Variants in USP24 observed in about 807,000 individuals in gnomAD.
The protein encoded by USP24 is ubiquitin specific peptidase 24, also known as ubiquitin carboxyl-terminal hydrolase 24.
Under a neutral mutation model 361.6 loss-of-function variants are expected in USP24, and 97 were observed. That is an observed-to-expected ratio of 0.27 (90% CI 0.23 to 0.32). The LOEUF (loss-of-function observed/expected upper bound fraction) is 0.32. USP24 is among the 10% of genes least tolerant of loss of function. USP24 has a pLI of 1.00. For synonymous variants in USP24, 1,098 were observed against 1,124.6 expected (o/e 0.98, Z 0.47); for missense variants, 2,353 against 3,165.6 (o/e 0.74, Z 6.16).
chr1:55,151,254 GT>G lies in USP24; in HGVS notation c.1860+2615del, dbSNP rs556960542. ...ACATCCCCACTTCCTCATCTGTCTT[GT>G]TTTTCCAGACCTATCCTTCTATCTA... On this transcript the variant is annotated intron_variant, in intron 16 of 67. Coordinates refer to ENST00000294383, the MANE Select transcript of USP24 (RefSeq NM_015306.3). Among the ~76,000 whole-genome samples, 156 of 152,280 alleles carry G rather than the reference GT, an allele frequency of 1.0e-3. 1 individual carries two copies. Among genetic ancestry groups the G allele is most frequent in the Non-Finnish European group, 1.7e-3 (114 of 68,018 alleles).
chr1:55,100,148 G>A (rs909404037), intron 44 of USP24, among the ~76,000 whole-genome samples: 2 of 152,240 alleles, frequency 1.3e-5, no homozygotes, highest in South Asian at 4.1e-4. Context: ...CAACCTATGG[G>A]GAAAAACACA....
intron 28 of USP24, among the ~76,000 whole-genome samples, chr1:55,137,128 C>A (rs1646758575): frequency 6.6e-6 from 1 of 152,092 alleles, no homozygotes; most frequent in African/African-American, 2.4e-5. Context: ...TCCCGAAAGC[C>A]AAGTGAAGAG....
intron 48 of USP24, 89 bp downstream of exon 48, chr1:55,097,509 G>A (rs976133466): frequency 6.8e-7 from 1 of 1,481,114 alleles, no homozygotes; most frequent in African/African-American, 1.4e-5. Flanking sequence ...TAACATGGTA[G>A]ACAGAATATG....
intron 28 of USP24, among the ~76,000 whole-genome samples, chr1:55,136,309 G>T (rs993144990): frequency 1.7e-4 from 26 of 152,114 alleles, no homozygotes; most frequent in African/African-American, 6.3e-4. Context: ...TGAGGCTGGA[G>T]TGGTGAGAGA....
rs1644857091 is a variant in USP24 at position 55,068,402 on chromosome 1, A to C, written c.*643T>G. ...TATCTTCAAGAGCTTAGTATTTCCC[A>C]ATTTTTGATCCTGATCCTGGTAACC... On this transcript the variant is annotated 3_prime_UTR_variant, in exon 68 of 68. Transcript: ENST00000294383. The C allele has an allele frequency of 6.6e-6, 1 of 152,312 alleles. No homozygotes were observed. Among genetic ancestry groups the C allele is most frequent in the South Asian group, 2.1e-4 (1 of 4,828 alleles). The allele number at this position is 152,312 out of a possible 1,614,324, so 9.4% of individuals were successfully genotyped here.
chr1:55,184,676 T>A (rs1172481838), intron 1 of USP24, among the ~76,000 whole-genome samples: 2 of 152,232 alleles, frequency 1.3e-5, no homozygotes, highest in South Asian at 2.1e-4. Context: ...ATAGAGCATA[T>A]GTTAGGTTGT....
intron 8 of USP24, among the ~76,000 whole-genome samples, chr1:55,161,465 C>A (rs962603376): frequency 4.6e-5 from 7 of 151,738 alleles, no homozygotes. Flanking sequence ...TAAAATGGCC[C>A]TAAGTAAATG....
chr1:55,119,993 T>C lies in USP24; in HGVS notation c.4508+603A>G, dbSNP rs554087166. 5.9e-5 allele frequency among the ~76,000 whole-genome samples: 9 copies of C among 152,232 alleles called. No homozygotes were observed. The South Asian group carries it at 1.0e-3, about 18-fold the overall frequency. ...CCATGACACTTTATAAGCCCCACAGTAGGGGCTGTGTGGTGAAGGTGAGTT... is the reference window on the plus strand; with the variant it reads ...CCATGACACTTTATAAGCCCCACAGCAGGGGCTGTGTGGTGAAGGTGAGTT... On this transcript the variant is annotated intron_variant, in intron 38 of 67. Coordinates refer to ENST00000294383, the MANE Select transcript of USP24 (RefSeq NM_015306.3).
At chr1:55,161,264 C>T (rs1457972789) in intron 8 of USP24, among the ~76,000 whole-genome samples, 1 of 151,006 alleles carries the variant, frequency 6.6e-6, no homozygotes, top group Non-Finnish European at 1.5e-5. Context: ...CCCAGCTACT[C>T]AAGAGGTTGA....
chr1:55,206,041 A>G (rs1326659928), intron 1 of USP24, among the ~76,000 whole-genome samples: 1 of 152,206 alleles, frequency 6.6e-6, no homozygotes. Flanking sequence ...AACAGCAAGA[A>G]ACAGAACCCT....
At chr1:55,153,740 A>T in intron 16 of USP24, 130 bp downstream of exon 16, 3 of 1,037,820 alleles carry the variant, frequency 2.9e-6, no homozygotes, top group Non-Finnish European at 4.1e-6. Flanking sequence ...ACAAATTTTT[A>T]GACATCAAGT....
At chr1:55,207,433 A>T (rs534175227) in intron 1 of USP24, among the ~76,000 whole-genome samples, 1 of 152,364 alleles carries the variant, frequency 6.6e-6, no homozygotes, top group East Asian at 1.9e-4. Flanking sequence ...TTGGAAACCT[A>T]CTGATACAGG....
intron 16 of USP24, 31 bp downstream of exon 16, chr1:55,153,839 C>A (rs1359120783): frequency 1.3e-6 from 2 of 1,540,680 alleles, no homozygotes; most frequent in Non-Finnish European, 1.8e-6. Context: ...ACTAGTATAC[C>A]TTTTAGTTGG....
chr1:55,132,488 A>G, intron 31 of USP24, 57 bp downstream of exon 31: 1 of 1,521,202 alleles, frequency 6.6e-7, no homozygotes, highest in South Asian at 1.3e-5. Context: ...GAAAGCATGA[A>G]TCGATAAATC....
chr1:55,171,947 A>G (rs1165221), intron 4 of USP24, among the ~76,000 whole-genome samples: 114,632 of 152,006 alleles, frequency 0.75, 44,200 homozygotes, highest in East Asian at 0.96. Context: ...CAATGCCCCA[A>G]GTGTGCTAGG....
At chr1:55,170,966 A>G (rs1289016301) in intron 5 of USP24, among the ~76,000 whole-genome samples, 1 of 152,180 alleles carries the variant, frequency 6.6e-6, no homozygotes, top group Admixed American at 6.5e-5. Context: ...CTCTGCTTCC[A>G]CTAAAGCAAT....
At position 55,139,053 on chromosome 1, in the gene USP24, T is replaced by C. The variant is rs980541744; in HGVS notation, c.2751-43A>G. The C allele has an allele frequency of 8.6e-6, 13 of 1,513,122 alleles. 1 individual carries two copies. The East Asian group carries it at 2.9e-4, about 34-fold the overall frequency. 93.7% of individuals were successfully genotyped at this position (1,513,122 alleles called of 1,614,324 possible). On this transcript the variant is annotated intron_variant, in intron 24 of 67. Coordinates refer to ENST00000294383, the MANE Select transcript of USP24 (RefSeq NM_015306.3). ...AAAGTATTAAAATGTATTTGAAGTG[T>C]GATGATCTGAGCTCAGTTCTAGTCT...
rs1375190102 is a variant in USP24, at chr1:55,138,678, G to A, written c.2858C>T (p.Ala953Val). 6.2e-7 allele frequency: 1 copy of A among 1,612,880 alleles called. No homozygotes were observed. Among genetic ancestry groups the A allele is most frequent in the Non-Finnish European group, 8.5e-7 (1 of 1,179,442 alleles). The change falls in exon 26 of 68, where the codon GCC (alanine) becomes GTC (valine). Residue 953 changes from alanine (A) to valine (V), a missense_variant. By Grantham distance (64) the Ala-to-Val change is moderately conservative (BLOSUM62 0). Around this residue, in one of 8 missense-constraint regions of USP24, gnomAD observed 949 missense variants for 1,280.5 expected, o/e 0.74. Coordinates refer to ENST00000294383, the MANE Select transcript of USP24 (RefSeq NM_015306.3). ...SVPRTILPHG[A>V]SFHGHLLTLN... ...GGTTAAAAGATGTCCATGAAATGAG[G>A]CACCATGAGGTAGAATAGTTCGTGG...
rs370259345 is a variant in USP24 at position 55,083,133 on chromosome 1, A to G, written c.6975+139T>C. 1,004 of 711,784 alleles carry G rather than the reference A, an allele frequency of 1.4e-3. 14 individuals are homozygous for G. The South Asian group carries it at 0.024, about 17-fold the overall frequency. The allele number at this position is 711,784 out of a possible 1,614,324, so 44.1% of individuals were successfully genotyped here. On this transcript the variant is annotated intron_variant, in intron 58 of 67. Coordinates refer to ENST00000294383, the MANE Select transcript of USP24 (RefSeq NM_015306.3). ...ATGAAGAAGTTGTAAAGATAATTTA[A>G]CTCCAAAGAATTTTCAAGTCTCTAT...
Sources: gnomAD v4.1 joint callset for allele counts (sites outside exome capture counted in the v4.1 genomes callset) on GRCh38, gnomAD v4.1.1 for gene constraint, gnomAD v4.1.1 regional missense constraint, MANE v1.5 for transcripts, NCBI Gene and HGNC (gene_info 2026-07-23, HGNC 2026-07-21) for gene names.